Variants in EML5 observed in about 807,000 individuals in gnomAD.
The protein encoded by EML5 is EMAP like 5, also known as echinoderm microtubule-associated protein-like 5.
EML5 carries 120 observed loss-of-function variants against 250.0 expected under a neutral mutation model. That is an observed-to-expected ratio of 0.48 (90% CI 0.41 to 0.56). The LOEUF (loss-of-function observed/expected upper bound fraction) is 0.56. EML5 is among the 20% of genes least tolerant of loss of function. The pLI, the probability that EML5 is intolerant of heterozygous loss-of-function variation, is 0.00. For missense variants in EML5, 2,006 were observed against 2,437.6 expected, an observed-to-expected ratio of 0.82 and a Z score of 3.73; for synonymous variants, 771 against 806.5, an observed-to-expected ratio of 0.96 and a Z score of 0.75.
intron 30 of EML5, among the ~76,000 whole-genome samples, chr14:88,643,460 T>C (rs948931961): frequency 6.6e-6 from 1 of 152,188 alleles, no homozygotes; most frequent in Non-Finnish European, 1.5e-5. Flanking sequence ...TTAGGTATCA[T>C]AAGTAATCTA....
intron 6 of EML5, among the ~76,000 whole-genome samples, 200 bp from the exon 7 acceptor site, chr14:88,736,765 C>T (rs1358555474): frequency 6.6e-6 from 1 of 152,148 alleles, no homozygotes; most frequent in Admixed American, 6.5e-5. Flanking sequence ...CCATTTGGTG[C>T]ACTTTCCTCT....
At chr14:88,788,644 T>A (rs1270320236) in intron 1 of EML5, among the ~76,000 whole-genome samples, 3 of 152,180 alleles carry the variant, frequency 2.0e-5, no homozygotes, top group Admixed American at 6.5e-5. Context: ...CCCAAGTTAA[T>A]TATATTCCAT....
intron 31 of EML5, among the ~76,000 whole-genome samples, chr14:88,639,824 G>A (rs956967016): frequency 2.6e-5 from 4 of 152,168 alleles, no homozygotes; most frequent in African/African-American, 4.8e-5. Context: ...CAAGTGATCC[G>A]CCCATCTTAG....
Position 88,649,851 on chromosome 14 carries a change from A to G in EML5, c.4019+61T>C, listed in dbSNP as rs950336379. On this transcript the variant is annotated intron_variant, in intron 28 of 43. Transcript: ENST00000554922. ...TAGGGAAAAAATACCTTAAAATACC[A>G]TAAAGAATAAAATAAAGGGTAAATT... 5 of 1,318,150 alleles carry G rather than the reference A, an allele frequency of 3.8e-6. No individual in the cohort carries two copies. The African/African-American group carries it at 7.5e-5, about 20-fold the overall frequency. The allele number at this position is 1,318,150 out of a possible 1,614,324, so 81.7% of individuals were successfully genotyped here. A position where few individuals can be genotyped will look rare whatever the true frequency, so the allele number is the denominator to read the frequency against.
chr14:88,740,536 G>A lies in EML5; in HGVS notation c.562C>T (p.Arg188Ter). 1 of 1,612,962 alleles carries A rather than the reference G, an allele frequency of 6.2e-7. No homozygotes were observed. The highest frequency in any genetic ancestry group is 8.5e-7 in the Non-Finnish European group (1 of 1,179,496). ...TCACCCGTCTTACCAAAGACACCTCGTTTTGGGGTCAGAGCATTTCCACAT... is the reference window on the plus strand; with the variant it reads ...TCACCCGTCTTACCAAAGACACCTCATTTTGGGGTCAGAGCATTTCCACAT... ...SLCGNALTPK[R>*]GVFGKTGDLQ... Residue 188 changes from arginine (R) to a stop codon, truncating the protein, a stop_gained, in exon 5 of 44, where the codon CGA becomes TGA. Coordinates refer to ENST00000554922, the MANE Select transcript of EML5 (RefSeq NM_183387.3). LOFTEE classifies it high-confidence loss of function.
chr14:88,727,371 C>T (rs2093682301), intron 7 of EML5, among the ~76,000 whole-genome samples: 1 of 150,492 alleles, frequency 6.6e-6, no homozygotes, highest in Admixed American at 6.6e-5. Context: ...CCCAACTTCT[C>T]AACTCTGCAT....
At chr14:88,679,611 G>T (rs2092674344) in intron 21 of EML5, among the ~76,000 whole-genome samples, 1 of 152,122 alleles carries the variant, frequency 6.6e-6, no homozygotes, top group Non-Finnish European at 1.5e-5. Context: ...AGAATCGCTT[G>T]AACCTGGGAG....
Position 88,758,532 on chromosome 14 carries a change from T to C in EML5, c.198-3861A>G, listed in dbSNP as rs1026309877. Reference sequence around the variant, plus strand: ...TTAAAAGACAGAAAATATGAAGTATTGGCAAGGATGTGGAAAAAGCGTAAC... The same window carrying C: ...TTAAAAGACAGAAAATATGAAGTATCGGCAAGGATGTGGAAAAAGCGTAAC... On this transcript the variant is annotated intron_variant, in intron 1 of 43. Coordinates refer to ENST00000554922, the MANE Select transcript of EML5 (RefSeq NM_183387.3). Among the ~76,000 whole-genome samples the C allele has an allele frequency of 2.0e-5, 3 of 152,278 alleles. No individual in the cohort carries two copies. In the East Asian group the frequency reaches 5.8e-4, roughly 29 times the overall value.
At chr14:88,724,147 C>T (rs894912287) in intron 8 of EML5, among the ~76,000 whole-genome samples, 1 of 151,430 alleles carries the variant, frequency 6.6e-6, no homozygotes, top group Admixed American at 6.6e-5. Flanking sequence ...TGGTGGCACG[C>T]ACCTATAGTC....
At chr14:88,645,316 G>A (rs1305920639) in intron 29 of EML5, among the ~76,000 whole-genome samples, 1 of 152,200 alleles carries the variant, frequency 6.6e-6, no homozygotes, top group Non-Finnish European at 1.5e-5. Flanking sequence ...GTGAGCCACT[G>A]TGCACAGCCT....
intron 16 of EML5, among the ~76,000 whole-genome samples, chr14:88,694,689 T>A (rs979235404): frequency 2.6e-5 from 4 of 152,348 alleles, no homozygotes; most frequent in African/African-American, 9.6e-5. Context: ...ATTTGTGGCA[T>A]GAATGGGTTA....
intron 21 of EML5, among the ~76,000 whole-genome samples, chr14:88,674,052 T>C (rs772442884): frequency 3.3e-5 from 5 of 152,124 alleles, no homozygotes. Flanking sequence ...GCGGATCACT[T>C]AATATCAGGA....
Position 88,782,441 on chromosome 14 carries a change from C to T in EML5, c.197+9866G>A, listed in dbSNP as rs1336187599. On this transcript the variant is annotated intron_variant, in intron 1 of 43. Transcript: ENST00000554922. The stretch of plus-strand genomic sequence containing the variant: ...CCTGCTACAGAAATCTACATAAGAA[C>T]GAGGAGCCAAAGGCTAATCACAAAG... Among the ~76,000 whole-genome samples the T allele has an allele frequency of 3.3e-5, 5 of 152,196 alleles. No homozygotes were observed. In the East Asian group the frequency reaches 5.8e-4, roughly 18 times the overall value.
intron 18 of EML5, 74 bp downstream of exon 18, chr14:88,688,197 T>G (rs1566636170): frequency 4.1e-6 from 6 of 1,462,338 alleles, no homozygotes; most frequent in Non-Finnish European, 5.7e-6. Context: ...AAAGGCAGTG[T>G]TCCTTTACTT....
rs369049029 is a variant in EML5, at chr14:88,700,320, T to C, written c.2238+2126A>G. Reference sequence around the variant, plus strand: ...TTTCTTTTTTTTTAAATTGTTTTATTTGGGAAAAGTGCTTCTTACAAAAGG... The same window carrying C: ...TTTCTTTTTTTTTAAATTGTTTTATCTGGGAAAAGTGCTTCTTACAAAAGG... On this transcript the variant is annotated intron_variant, in intron 14 of 43. Coordinates refer to ENST00000554922, the MANE Select transcript of EML5 (RefSeq NM_183387.3). Among the ~76,000 whole-genome samples, 13 of 152,280 alleles carry C rather than the reference T, an allele frequency of 8.5e-5. No individual in the cohort carries two copies. In the South Asian group the frequency reaches 1.2e-3, roughly 15 times the overall value.
intron 21 of EML5, among the ~76,000 whole-genome samples, chr14:88,665,769 A>G (rs558551972): frequency 6.6e-6 from 1 of 152,136 alleles, no homozygotes; most frequent in South Asian, 2.1e-4. Flanking sequence ...ATAGACAGGC[A>G]TGGTGGCACA....
At chr14:88,628,635 C>T (rs992492813) in intron 33 of EML5, among the ~76,000 whole-genome samples, 1 of 151,934 alleles carries the variant, frequency 6.6e-6, no homozygotes, top group East Asian at 1.9e-4. Context: ...GCATTTGCTT[C>T]AAATTATAAA....
At chr14:88,646,061 C>A (rs1486467560) in intron 29 of EML5, among the ~76,000 whole-genome samples, 1 of 152,112 alleles carries the variant, frequency 6.6e-6, no homozygotes, top group Non-Finnish European at 1.5e-5. Context: ...ATGCACCAAT[C>A]CCTTTCCAAA....
At chr14:88,717,899 A>G (rs778760677) in intron 8 of EML5, among the ~76,000 whole-genome samples, 6 of 152,254 alleles carry the variant, frequency 3.9e-5, no homozygotes, top group Non-Finnish European at 8.8e-5. Flanking sequence ...ACAATGTAGT[A>G]TTATACTCCA....
Sources: gnomAD v4.1 joint callset for allele counts (sites outside exome capture counted in the v4.1 genomes callset) on GRCh38, gnomAD v4.1.1 for gene constraint, MANE v1.5 for transcripts, NCBI Gene and HGNC (gene_info 2026-07-23, HGNC 2026-07-21) for gene names.